The following CYP4F22 variants were observed in gnomAD, a reference collection of about 807,000 sequenced individuals.
The protein encoded by CYP4F22 is ultra-long-chain fatty acid omega-hydroxylase.
Under a neutral mutation model 60.4 loss-of-function variants are expected in CYP4F22, and 37 were observed. That is an observed-to-expected ratio of 0.61 (90% CI 0.47 to 0.81). The LOEUF is 0.81. Among genes scored for constraint, CYP4F22 ranks in the 30% least tolerant of loss-of-function variants. The pLI is 0.00. For synonymous variants in CYP4F22, 258 were observed against 280.5 expected (o/e 0.92, Z 0.80); for missense variants, 655 against 715.0 (o/e 0.92, Z 0.96).
intron 4 of CYP4F22, among the ~76,000 whole-genome samples, chr19:15,531,126 C>G (rs147356123): frequency 6.6e-6 from 1 of 152,126 alleles, no homozygotes; most frequent in Non-Finnish European, 1.5e-5. Flanking sequence ...CCTGTAGTCT[C>G]GGCTACTTGG....
Position 15,544,274 on chromosome 19 carries a change from G to A in CYP4F22, c.1131G>A (p.Leu377=). The A allele has an allele frequency of 1.2e-6, 2 of 1,613,756 alleles. No individual in the cohort carries two copies. Among genetic ancestry groups the A allele is most frequent in the East Asian group, 2.2e-5 (1 of 44,870 alleles). Residue 377 remains leucine, a synonymous_variant, in exon 10 of 14, where the codon CTG becomes CTA. Transcript: ENST00000269703. ...TGAAAGGCCGGGAGCTGGAGGAGCTGGAGTGGTGAGTGTGGGGTCAGGGGA... is the reference window on the plus strand; with the variant it reads ...TGAAAGGCCGGGAGCTGGAGGAGCTAGAGTGGTGAGTGTGGGGTCAGGGGA... The part of the protein sequence containing the change: ...EVMKGRELEE[L]EWDDLTQLPF...
At chr19:15,517,634 G>A (rs1599789442) in intron 1 of CYP4F22, among the ~76,000 whole-genome samples, 1 of 152,198 alleles carries the variant, frequency 6.6e-6, no homozygotes, top group African/African-American at 2.4e-5. Flanking sequence ...ATTTTCCTGG[G>A]TGCGAGTTGG....
chr19:15,549,409 C>T (rs1971569623), intron 12 of CYP4F22, among the ~76,000 whole-genome samples: 1 of 152,152 alleles, frequency 6.6e-6, no homozygotes, highest in South Asian at 2.1e-4. Flanking sequence ...GTGTGCTGGG[C>T]TCTGAAAATA....
chr19:15,532,712 C>T (rs1971356949), intron 4 of CYP4F22, among the ~76,000 whole-genome samples: 1 of 152,066 alleles, frequency 6.6e-6, no homozygotes, highest in South Asian at 2.1e-4. Context: ...CTCCCTTCTC[C>T]TCCCCCTCAG....
At chr19:15,515,344 C>A in intron 1 of CYP4F22, 1 of 1,197,658 alleles carries the variant, frequency 8.3e-7, no homozygotes, top group Non-Finnish European at 1.2e-6. Flanking sequence ...AAAGGTTCAG[C>A]ACCTCCCACA....
In CYP4F22 at chr19:15,551,293, G is replaced by A. The variant is rs1085307654; in HGVS notation, c.1419-1G>A. Reference sequence around the variant, plus strand: ...CTGAGCCCTGTCCCCTCTTCCTCCAGGAATTGCATCGGACAGAGCTTCGCC... The same window carrying A: ...CTGAGCCCTGTCCCCTCTTCCTCCAAGAATTGCATCGGACAGAGCTTCGCC... On this transcript the variant is annotated splice_acceptor_variant, in intron 13 of 13. Transcript: ENST00000269703. LOFTEE classifies it high-confidence loss of function. 8 of 1,611,602 alleles carry A rather than the reference G, an allele frequency of 5.0e-6. No individual in the cohort carries two copies. In the Admixed American group the frequency reaches 5.0e-5, roughly 10 times the overall value.
chr19:15,520,569 T>C (rs1971212339), intron 1 of CYP4F22, among the ~76,000 whole-genome samples: 1 of 151,770 alleles, frequency 6.6e-6, no homozygotes, highest in Admixed American at 6.6e-5. Context: ...ACACAGAGCC[T>C]CAGTGCACAC....
At chr19:15,517,475 T>C (rs2144501375) in intron 1 of CYP4F22, among the ~76,000 whole-genome samples, 1 of 152,254 alleles carries the variant, frequency 6.6e-6, no homozygotes, top group Middle Eastern at 3.4e-3. Flanking sequence ...ACAACTCCCC[T>C]CTCTCACCCT....
At chr19:15,542,591 G>A (rs1971476345) in intron 8 of CYP4F22, among the ~76,000 whole-genome samples, 4 of 152,156 alleles carry the variant, frequency 2.6e-5, no homozygotes, top group Non-Finnish European at 5.9e-5. Context: ...TGTAGGGCGT[G>A]CAGGTTTGTT....
At chr19:15,518,681 A>AAACAC (rs1971185042) in intron 1 of CYP4F22, among the ~76,000 whole-genome samples, 2 of 145,768 alleles carry the variant, frequency 1.4e-5, no homozygotes, top group Admixed American at 1.4e-4. Context: ...AAACAAAACA[A>AAACAC]AACACAGAAA....
intron 1 of CYP4F22, among the ~76,000 whole-genome samples, chr19:15,514,927 C>A (rs1382205650): frequency 3.3e-5 from 5 of 152,128 alleles, no homozygotes; most frequent in Admixed American, 2.0e-4. Flanking sequence ...TGGTTGAAGG[C>A]CTCTCTCTGG....
Position 15,543,996 on chromosome 19 carries a change from A to G in CYP4F22, c.965A>G (p.Asp322Gly), listed in dbSNP as rs1478431719. Residue 322 changes from aspartate (D) to glycine (G), a missense_variant, in exon 9 of 14, where the codon GAC becomes GGC. By Grantham distance (94) the Asp-to-Gly change is moderately conservative. Around this residue, in one of 3 missense-constraint regions of CYP4F22, gnomAD observed 430 missense variants for 457.1 expected, o/e 0.94. Transcript: ENST00000269703. ...GATGAAGATGGAAAGGAACTGTCAG[A>G]CGAGGATATCCGAGCCGAAGCAGAC... ...ARDEDGKELS[D>G]EDIRAEADTF... 6.2e-7 allele frequency: 1 copy of G among 1,614,108 alleles called. No homozygotes were observed. Among genetic ancestry groups the G allele is most frequent in the East Asian group, 2.2e-5 (1 of 44,878 alleles).
At chr19:15,541,001 A>T (rs1971456365) in intron 8 of CYP4F22, among the ~76,000 whole-genome samples, 1 of 152,212 alleles carries the variant, frequency 6.6e-6, no homozygotes, top group African/African-American at 2.4e-5. Flanking sequence ...GTCTGGCTTG[A>T]GCCCAGGAGT....
intron 1 of CYP4F22, among the ~76,000 whole-genome samples, chr19:15,512,040 G>A (rs1284491092): frequency 6.6e-6 from 1 of 152,232 alleles, no homozygotes; most frequent in East Asian, 1.9e-4. Flanking sequence ...ACAACATTCT[G>A]AGGGTGTCAC....
chr19:15,542,589 G>A (rs886294941), intron 8 of CYP4F22, among the ~76,000 whole-genome samples: 16 of 151,986 alleles, frequency 1.1e-4, no homozygotes, highest in African/African-American at 1.5e-4. Flanking sequence ...TGTGTAGGGC[G>A]TGCAGGTTTG....
chr19:15,537,296 G>T, intron 4 of CYP4F22, 65 bp from the exon 5 acceptor site: 2 of 1,586,298 alleles, frequency 1.3e-6, no homozygotes, highest in Non-Finnish European at 1.7e-6. Flanking sequence ...GCAAGACTCC[G>T]TAAAAAAAAA....
At chr19:15,538,082 ACTCTGGCCTATGGGAG>A in intron 7 of CYP4F22, 89 bp downstream of exon 7, 1 of 1,578,540 alleles carries the variant, frequency 6.3e-7, no homozygotes, top group South Asian at 1.1e-5. Context: ...GCATTAGACA[ACTCTGGCCTATGGGAG>A]CTCTGCCACG....
intron 4 of CYP4F22, among the ~76,000 whole-genome samples, chr19:15,534,134 A>T (rs530045798): frequency 1.1e-4 from 17 of 152,322 alleles, no homozygotes; most frequent in Non-Finnish European, 2.1e-4. Flanking sequence ...ATAGTAATAA[A>T]AATAGCCAAC....
Position 15,551,751 on chromosome 19 carries a change from C to T in CYP4F22, c.*280C>T, listed in dbSNP as rs921712602. On this transcript the variant is annotated 3_prime_UTR_variant, in exon 14 of 14. Coordinates refer to ENST00000269703, the MANE Select transcript of CYP4F22 (RefSeq NM_173483.4). Reference sequence around the variant, plus strand: ...TGAGGGACCAGGGTCGACCCTGCCCCCTTGGGCTCAGGCCCCGCCCCCAGG... The same window carrying T: ...TGAGGGACCAGGGTCGACCCTGCCCTCTTGGGCTCAGGCCCCGCCCCCAGG... The T allele has an allele frequency of 3.7e-6, 2 of 542,288 alleles. No homozygotes were observed. The highest frequency in any genetic ancestry group is 3.8e-5 in the African/African-American group (2 of 52,722). The allele number at this position is 542,288 out of a possible 1,614,324, so 33.6% of individuals were successfully genotyped here.
Sources: gnomAD v4.1 joint callset for allele counts (sites outside exome capture counted in the v4.1 genomes callset) on GRCh38, gnomAD v4.1.1 for gene constraint, gnomAD v4.1.1 regional missense constraint, MANE v1.5 for transcripts, NCBI Gene and HGNC (gene_info 2026-07-23, HGNC 2026-07-21) for gene names.